TENM3: variants seen among roughly 807,000 people sequenced by gnomAD.
The protein encoded by TENM3 is teneurin transmembrane protein 3.
In TENM3, 63 loss-of-function variants were observed where a neutral mutation model predicts 255.1. The ratio of observed to expected loss-of-function variants is 0.25; its 90% confidence interval spans 0.20 to 0.30. TENM3 has a LOEUF of 0.30. TENM3 is among the 10% of genes least tolerant of loss of function. TENM3 has a pLI of 1.00. For synonymous variants in TENM3, 1,306 were observed against 1,322.3 expected (o/e 0.99, Z 0.27); for missense variants, 2,929 against 3,461.1 (o/e 0.85, Z 3.86).
chr4:182,752,169 G>C (rs1012203216), intron 20 of TENM3, 137 bp downstream of exon 20: 2 of 620,324 alleles, frequency 3.2e-6, no homozygotes, highest in Non-Finnish European at 5.5e-6. Flanking sequence ...CTGGAAAGCT[G>C]TTTCACATCT....
rs145064576 is a variant in TENM3 at position 182,249,697 on chromosome 4, GT to G, written c.-76+6223del. Reference sequence around the variant, plus strand: ...CTGAGGATGGGTCTGATAGAGAGGGGTTGCAAATATTTTGAGCAATTGTGAT... The same window carrying G: ...CTGAGGATGGGTCTGATAGAGAGGGGTGCAAATATTTTGAGCAATTGTGAT... On this transcript the variant is annotated intron_variant, in intron 1 of 27. Coordinates refer to ENST00000511685, the MANE Select transcript of TENM3 (RefSeq NM_001080477.4). Among the ~76,000 whole-genome samples the G allele has an allele frequency of 3.6e-3, 543 of 152,300 alleles. 2 individuals are homozygous for G. The highest frequency in any genetic ancestry group is 0.012 in the African/African-American group (514 of 41,562).
chr4:181,824,534 G>A, the TENM3 span, among the ~76,000 whole-genome samples: 145 of 152,136 alleles, frequency 9.5e-4, 1 homozygote, highest in Middle Eastern at 3.4e-3. Flanking sequence ...AACTGTCCAC[G>A]TCTAAAACCA....
intron 24 of TENM3, among the ~76,000 whole-genome samples, chr4:182,778,972 T>C (rs1764919550): frequency 6.6e-6 from 1 of 151,104 alleles, no homozygotes; most frequent in Non-Finnish European, 1.5e-5. Flanking sequence ...TCTTGAAGAA[T>C]TGTTAGTACT....
chr4:182,400,758 C>T (rs1769165483), intron 3 of TENM3, among the ~76,000 whole-genome samples: 1 of 152,150 alleles, frequency 6.6e-6, no homozygotes, highest in South Asian at 2.1e-4. Context: ...TATTTATTCT[C>T]ACTAGTGTTA....
Position 182,793,820 on chromosome 4 carries a change from A to G in TENM3, c.7148A>G (p.Asn2383Ser). 1 of 1,613,958 alleles carries G rather than the reference A, an allele frequency of 6.2e-7. No homozygotes were observed. Among genetic ancestry groups the G allele is most frequent in the Non-Finnish European group, 8.5e-7 (1 of 1,179,866 alleles). The stretch of plus-strand genomic sequence containing the variant: ...ATTGGGAAGGACCCAGCTCCTTTTA[A>G]CTTGTACATGTTTAGGAATAACAAC... ...KRIGKDPAPF[N>S]LYMFRNNNPA... The change falls in exon 26 of 28, where the codon AAC becomes AGC. Residue 2383 changes from asparagine (N) to serine (S), a missense_variant. By Grantham distance (46) the Asn-to-Ser change is conservative (BLOSUM62 1). This residue lies in a region of TENM3 where 476 missense variants were observed against 480.1 expected (regional missense o/e 0.99). Transcript: ENST00000511685. This position sits in a 1 kb window ranked among gnomAD's most constrained non-coding sequence, Gnocchi z 5.7.
At chr4:181,766,267 G>A in the TENM3 span, among the ~76,000 whole-genome samples, 3 of 152,162 alleles carry the variant, frequency 2.0e-5, no homozygotes, top group East Asian at 5.8e-4. Context: ...ATAAAGGACA[G>A]CAAATAAAAC....
the TENM3 span, among the ~76,000 whole-genome samples, chr4:181,769,387 T>C: frequency 6.6e-6 from 1 of 152,208 alleles, no homozygotes; most frequent in Non-Finnish European, 1.5e-5. Flanking sequence ...CTAAATCACT[T>C]ACTAGGTGTT....
At chr4:181,892,730 A>G in the TENM3 span, among the ~76,000 whole-genome samples, 9 of 152,066 alleles carry the variant, frequency 5.9e-5, no homozygotes, top group African/African-American at 4.8e-5. Flanking sequence ...TTCCCTCTCC[A>G]TGAAGTTTGT....
the TENM3 span, among the ~76,000 whole-genome samples, chr4:181,524,346 C>T: frequency 1.3e-5 from 2 of 152,146 alleles, no homozygotes; most frequent in African/African-American, 2.4e-5. Flanking sequence ...ACCGGCCAAA[C>T]CTCTTTAGCA....
At chr4:181,792,923 C>CA in the TENM3 span, among the ~76,000 whole-genome samples, 1 of 151,408 alleles carries the variant, frequency 6.6e-6, no homozygotes, top group African/African-American at 2.4e-5. Flanking sequence ...TAAAGTTCAG[C>CA]AAATCTCTTT....
At chr4:181,953,292 C>T in the TENM3 span, among the ~76,000 whole-genome samples, 3 of 151,878 alleles carry the variant, frequency 2.0e-5, no homozygotes, top group Non-Finnish European at 4.4e-5. Flanking sequence ...TCATCATCAT[C>T]ATCATGATCA....
chr4:182,427,965 A>T (rs1433272678), intron 3 of TENM3, among the ~76,000 whole-genome samples: 3 of 148,512 alleles, frequency 2.0e-5, no homozygotes. Context: ...TTTTTTTGCC[A>T]ACTTGCTGAC....
At chr4:181,873,941 C>T in the TENM3 span, among the ~76,000 whole-genome samples, 11 of 152,116 alleles carry the variant, frequency 7.2e-5, no homozygotes, top group South Asian at 1.2e-3. Flanking sequence ...TGCACCACCA[C>T]GCCCAGCTAA....
intron 1 of TENM3, among the ~76,000 whole-genome samples, chr4:182,186,574 T>C (rs1287606263): frequency 8.0e-5 from 12 of 150,840 alleles, no homozygotes; most frequent in Admixed American, 7.9e-4. Flanking sequence ...CGGAAAGTAA[T>C]GTTAAACCAT....
the TENM3 span, among the ~76,000 whole-genome samples, chr4:182,045,288 A>G: frequency 6.6e-6 from 1 of 152,046 alleles, no homozygotes; most frequent in Non-Finnish European, 1.5e-5. Context: ...GTCTGTACCC[A>G]AGGAAGCGTT....
At chr4:182,243,066 A>C (rs1757381669), upstream of TENM3, among the ~76,000 whole-genome samples, 1 of 152,300 alleles carries the variant, frequency 6.6e-6, no homozygotes, top group African/African-American at 2.4e-5. Context: ...CTTTAGATGT[A>C]TTGGAGATGT....
chr4:182,784,338 TG>T (rs531784966), intron 24 of TENM3, among the ~76,000 whole-genome samples: 3,046 of 152,070 alleles, frequency 0.02, 44 homozygotes, highest in Non-Finnish European at 0.031. Flanking sequence ...GTGCCCCTGC[TG>T]GGGGGTGCCT....
chr4:181,701,138 G>A, the TENM3 span, among the ~76,000 whole-genome samples: 11 of 152,092 alleles, frequency 7.2e-5, no homozygotes, highest in East Asian at 9.7e-4. Flanking sequence ...TAGTATTCTC[G>A]TTGACCTTGT....
chr4:182,346,589 A>G, intron 2 of TENM3, 62 bp from the exon 3 acceptor site: 3 of 1,291,792 alleles, frequency 2.3e-6, no homozygotes, highest in Admixed American at 2.6e-5. Context: ...AAAAAAAAAA[A>G]GAAAAGAAAC....
Sources: gnomAD v4.1 joint callset for allele counts (sites outside exome capture counted in the v4.1 genomes callset) on GRCh38, gnomAD v4.1.1 for gene constraint, gnomAD v4.1.1 regional missense constraint, Gnocchi (gnomAD v3.1) non-coding constraint, MANE v1.5 for transcripts, NCBI Gene and HGNC (gene_info 2026-07-23, HGNC 2026-07-21) for gene names.